Variants in SLC7A6OS observed in about 807,000 individuals in gnomAD.
SLC7A6OS encodes the protein solute carrier family 7 member 6 opposite strand.
In SLC7A6OS, 22 loss-of-function variants were observed where a neutral mutation model predicts 34.3. The ratio of observed to expected loss-of-function variants is 0.64; its 90% CI spans 0.46 to 0.92. The LOEUF (loss-of-function observed/expected upper bound fraction) is 0.92. Ranked by LOEUF, SLC7A6OS falls within the 40% of genes least tolerant of loss-of-function variation. The pLI is 0.00. For synonymous variants in SLC7A6OS, 199 were observed against 165.0 expected (o/e 1.21, Z -1.58); for missense variants, 434 against 407.7 (o/e 1.06, Z -0.56).
rs1186708501 is a variant in SLC7A6OS at position 68,310,847 on chromosome 16, C to G, written c.80G>C (p.Cys27Ser). The change falls in exon 1 of 5, where the codon TGT (cysteine) becomes TCT (serine). Residue 27 changes from cysteine to serine, a missense_variant. By Grantham distance (112) the Cys-to-Ser change is moderately radical. Transcript: ENST00000263997. ...AEPAEALVLA[C>S]KRLRSDAVES... ...GACCGCGTCGCTCCGGAGGCGTTTA[C>G]AAGCGAGCACAAGAGCCTCCGCCGG... 6.2e-7 allele frequency: 1 copy of G among 1,613,060 alleles called. No homozygotes were observed. The highest frequency in any genetic ancestry group is 1.3e-5 in the African/African-American group (1 of 75,058).
intron 1 of SLC7A6OS, 60 bp downstream of exon 1, chr16:68,310,674 CG>C (rs2043487799): frequency 1.3e-6 from 2 of 1,580,366 alleles, no homozygotes; most frequent in Non-Finnish European, 1.7e-6. Context: ...GGTCAGGGAT[CG>C]GGTTTCGTAC....
At chr16:68,303,928 C>T in intron 3 of SLC7A6OS, 98 bp downstream of exon 3, 3 of 1,093,546 alleles carry the variant, frequency 2.7e-6, no homozygotes, top group Non-Finnish European at 4.1e-6. Flanking sequence ...GAACTAAGGA[C>T]AATGTTGTTC....
At chr16:68,303,141 G>A (rs940760946) in intron 3 of SLC7A6OS, among the ~76,000 whole-genome samples, 1 of 151,926 alleles carries the variant, frequency 6.6e-6, no homozygotes, top group Non-Finnish European at 1.5e-5. Context: ...GCATGCACCT[G>A]TAGTCCCAGC....
Position 68,298,335 on chromosome 16 carries a change from C to G in SLC7A6OS, c.*2940G>C, listed in dbSNP as rs906157639. ...CAGCTGTCAATGGCTTGGAGAACAT[C>G]TCATGGGCCCAAGTCATCAAATAAC... On this transcript the variant is annotated 3_prime_UTR_variant, in exon 5 of 5. Coordinates refer to ENST00000263997, the MANE Select transcript of SLC7A6OS (RefSeq NM_032178.3). 17 of 152,646 alleles carry G rather than the reference C, an allele frequency of 1.1e-4. No homozygotes were observed. 9.5% of individuals were successfully genotyped at this position (152,646 alleles called of 1,614,324 possible). A position where few individuals can be genotyped will look rare whatever the true frequency, so the allele number is the denominator to read the frequency against.
At chr16:68,308,142 T>G (rs192965268) in intron 2 of SLC7A6OS, among the ~76,000 whole-genome samples, 4 of 151,132 alleles carry the variant, frequency 2.6e-5, no homozygotes, top group African/African-American at 9.7e-5. Context: ...CCTCAAGTGA[T>G]CCACCCGCCT....
Position 68,299,604 on chromosome 16 carries a change from T to A in SLC7A6OS, c.*1671A>T, listed in dbSNP as rs2043233799. 1 of 152,228 alleles carries A rather than the reference T, an allele frequency of 6.6e-6. No homozygotes were observed. Among genetic ancestry groups the A allele is most frequent in the African/African-American group, 2.4e-5 (1 of 41,444 alleles). The allele number at this position is 152,228 out of a possible 1,614,324, so 9.4% of individuals were successfully genotyped here. A position where few individuals can be genotyped will look rare whatever the true frequency, so the allele number is the denominator to read the frequency against. On this transcript the variant is annotated 3_prime_UTR_variant, in exon 5 of 5. Transcript: ENST00000263997. ...TTTGCAGTGAGTACAGTTTATTAAG[T>A]TGTCAGCCCTTTAATATTGGGGAAA...
Position 68,310,922 on chromosome 16 carries a change from T to C in SLC7A6OS, c.5A>G (p.Glu2Gly), listed in dbSNP as rs764158334. 1 of 1,580,952 alleles carries C rather than the reference T, an allele frequency of 6.3e-7. No homozygotes were observed. Among genetic ancestry groups the C allele is most frequent in the Non-Finnish European group, 8.6e-7 (1 of 1,167,962 alleles). The change falls in exon 1 of 5, where the codon GAG (glutamate) becomes GGG (glycine). Residue 2 changes from glutamate to glycine, a missense_variant. Transcript: ENST00000263997. MEAARTAVLRVK... is the reference protein window; with the variant it reads MGAARTAVLRVK... The stretch of plus-strand genomic sequence containing the variant: ...CCGGAGTACAGCGGTCCTGGCGGCC[T>C]CCATAGTGGCTGCCGCTGAGCACTG...
rs1170446747 is a variant in SLC7A6OS, at chr16:68,298,698, C to T, written c.*2577G>A. The T allele has an allele frequency of 2.6e-5, 4 of 152,290 alleles. No individual in the cohort carries two copies. The highest frequency in any genetic ancestry group is 9.7e-5 in the African/African-American group (4 of 41,450). The allele number at this position is 152,290 out of a possible 1,614,324, so 9.4% of individuals were successfully genotyped here. On this transcript the variant is annotated 3_prime_UTR_variant, in exon 5 of 5. Transcript: ENST00000263997. The stretch of plus-strand genomic sequence containing the variant: ...GAGTCCGGCTCTTCAGCAGGCTGCA[C>T]AAGTGGAAGCAACTAATTCTGGTGC...
At position 68,310,774 on chromosome 16, in the gene SLC7A6OS, C is replaced by T; in HGVS notation, c.153G>A (p.Glu51=). 6.2e-7 allele frequency: 1 copy of T among 1,613,204 alleles called. No individual in the cohort carries two copies. Among genetic ancestry groups the T allele is most frequent in the Non-Finnish European group, 8.5e-7 (1 of 1,179,454 alleles). ...TGGCCACCAAGTGGAAGACATTATT[C>T]TCCGCCGCTCTCTCCAAACCCTCCG... ...KTSEGLERAA[E]NNVFHLVATV... is the part of the protein sequence containing the mutation. Residue 51 remains glutamate (E), a synonymous_variant, in exon 1 of 5, where the codon GAG becomes GAA. Coordinates refer to ENST00000263997, the MANE Select transcript of SLC7A6OS (RefSeq NM_032178.3).
In SLC7A6OS at chr16:68,310,747, A is replaced by G; in HGVS notation, c.180T>C (p.Thr60=). Residue 60 remains threonine, a synonymous_variant, in exon 1 of 5, where the codon ACT becomes ACC. Transcript: ENST00000263997. ...AENNVFHLVA[T]VCSQEEPVQP... is the part of the protein sequence containing the mutation. ...CCACGCCCAATACCTGGGAGCACAC[A>G]GTGGCCACCAAGTGGAAGACATTAT... 1 of 1,608,728 alleles carries G rather than the reference A, an allele frequency of 6.2e-7. No homozygotes were observed.
rs1371539393 is a variant in SLC7A6OS, at chr16:68,310,616, A to AG, written c.193-4dup. 8 of 1,591,362 alleles carry AG rather than the reference A, an allele frequency of 5.0e-6. No individual in the cohort carries two copies. Among genetic ancestry groups the AG allele is most frequent in the South Asian group, 4.5e-5 (4 of 89,774 alleles). ...AGGAGAGGCTGGACTGGTTCCTCCT[A>AG]GGGGGCAACAGGGGACGGAGGCCAG... On this transcript the variant is annotated splice_region_variant and splice_polypyrimidine_tract_variant and intron_variant, in intron 1 of 4. Transcript: ENST00000263997.
chr16:68,308,801 C>G (rs1448174888), intron 2 of SLC7A6OS, among the ~76,000 whole-genome samples: 1 of 151,804 alleles, frequency 6.6e-6, no homozygotes, highest in African/African-American at 2.4e-5. Context: ...GCCTGTAATC[C>G]CAGCACTTTG....
chr16:68,309,612 G>A (rs2043392322), intron 2 of SLC7A6OS, among the ~76,000 whole-genome samples: 1 of 152,186 alleles, frequency 6.6e-6, no homozygotes, highest in South Asian at 2.1e-4. Context: ...GTTAGCAAAT[G>A]TAATATAAAG....
chr16:68,300,871 C>T lies in SLC7A6OS; in HGVS notation c.*404G>A. ...TTCTATCAAAAGGAACAGGGTTTTC[C>T]TAGAGGCAGGCAGCCTGGTGGTATG... is the stretch of plus-strand genomic sequence containing the variant. On this transcript the variant is annotated 3_prime_UTR_variant, in exon 5 of 5. Coordinates refer to ENST00000263997, the MANE Select transcript of SLC7A6OS (RefSeq NM_032178.3). The T allele has an allele frequency of 1.0e-6, 1 of 989,474 alleles. No individual in the cohort carries two copies. Among genetic ancestry groups the T allele is most frequent in the Non-Finnish European group, 1.2e-6 (1 of 832,736 alleles). 61.3% of individuals were successfully genotyped at this position (989,474 alleles called of 1,614,324 possible).
rs1309048416 is a variant in SLC7A6OS at position 68,300,451 on chromosome 16, G to C, written c.*824C>G. ...AGTTTGTTTTTGTGGTGGGTGCTGT[G>C]AAGAGTAAACATTACTCAGTGGAAA... is the stretch of plus-strand genomic sequence containing the variant. On this transcript the variant is annotated 3_prime_UTR_variant, in exon 5 of 5. Transcript: ENST00000263997. 5.0e-6 allele frequency: 1 copy of C among 200,650 alleles called. No homozygotes were observed. Among genetic ancestry groups the C allele is most frequent in the East Asian group, 1.9e-4 (1 of 5,404 alleles). The allele number at this position is 200,650 out of a possible 1,614,324, so 12.4% of individuals were successfully genotyped here.
At position 68,304,151 on chromosome 16, in the gene SLC7A6OS, C is replaced by T. The variant is rs983700469; in HGVS notation, c.553G>A (p.Val185Ile). 1.9e-6 allele frequency: 3 copies of T among 1,614,082 alleles called. No individual in the cohort carries two copies. In the African/African-American group the frequency reaches 4.0e-5, roughly 22 times the overall value. Residue 185 changes from valine to isoleucine, a missense_variant, in exon 3 of 5, where the codon GTC (valine) becomes ATC (isoleucine). Physicochemically the swap from Val to Ile is conservative, Grantham distance 29. Coordinates refer to ENST00000263997, the MANE Select transcript of SLC7A6OS (RefSeq NM_032178.3). ...RLTVSEDGPG[V>I]RRQEEQKHDD... ...TGTTTTTGTTCTTCCTGGCGCCTGA[C>T]TCCTGGTCCATCCTCAGACACAGTC...
Position 68,300,285 on chromosome 16 carries a change from G to A in SLC7A6OS, c.*990C>T, listed in dbSNP as rs1350203975. On this transcript the variant is annotated 3_prime_UTR_variant, in exon 5 of 5. Transcript: ENST00000263997. ...TGCAGACACAGAACATATCATCACT[G>A]CAGATAGTTCTACTGGACAATGTTA... is the stretch of plus-strand genomic sequence containing the variant. 6.6e-6 allele frequency: 1 copy of A among 152,238 alleles called. No homozygotes were observed. Among genetic ancestry groups the A allele is most frequent in the African/African-American group, 2.4e-5 (1 of 41,458 alleles). The allele number at this position is 152,238 out of a possible 1,614,324, so 9.4% of individuals were successfully genotyped here. A position where few individuals can be genotyped will look rare whatever the true frequency, so the allele number is the denominator to read the frequency against.
chr16:68,302,361 G>T lies in SLC7A6OS; in HGVS notation c.799+20C>A, dbSNP rs371319515. The T allele has an allele frequency of 3.7e-6, 6 of 1,613,768 alleles. No individual in the cohort carries two copies. Among genetic ancestry groups the T allele is most frequent in the African/African-American group, 1.3e-5 (1 of 75,010 alleles). On this transcript the variant is annotated intron_variant, in intron 4 of 4. Transcript: ENST00000263997. ...GTCTCAGATCCTACCAGTCCCTCCCGGTCTGGGGCTGCCACCCACCTCTGG... is the reference window on the plus strand; with the variant it reads ...GTCTCAGATCCTACCAGTCCCTCCCTGTCTGGGGCTGCCACCCACCTCTGG...
rs2043272046 is a variant in SLC7A6OS at position 68,301,384 on chromosome 16, A to G, written c.821T>C (p.Leu274Pro). The G allele has an allele frequency of 6.2e-7, 1 of 1,613,900 alleles. No individual in the cohort carries two copies. Among genetic ancestry groups the G allele is most frequent in the African/African-American group, 1.3e-5 (1 of 74,888 alleles). ...DSRGSADYNS[L>P]SEEERGSSRQ... ...GCTGCTGCCTCTTTCCTCCTCACTC[A>G]GGCTGTTGTAGTCAGCAGAGCCTAG... The change falls in exon 5 of 5, where the codon CTG (leucine) becomes CCG (proline). Residue 274 changes from leucine to proline, a missense_variant. By Grantham distance (98) the Leu-to-Pro change is moderately conservative (BLOSUM62 -3). Coordinates refer to ENST00000263997, the MANE Select transcript of SLC7A6OS (RefSeq NM_032178.3).
Sources: allele counts gnomAD v4.1 joint callset (sites outside exome capture counted in the v4.1 genomes callset), GRCh38; gene constraint gnomAD v4.1.1; transcripts MANE v1.5; gene names NCBI Gene and HGNC (gene_info 2026-07-23, HGNC 2026-07-21).